Variants in ERC1 observed in about 807,000 individuals in gnomAD.
ERC1 encodes RAB6 interacting protein 2.
ERC1 carries 56 observed loss-of-function variants against 132.0 expected under a neutral mutation model. That is an observed-to-expected ratio of 0.42 (90% CI 0.34 to 0.53). The LOEUF is 0.53. Among genes scored for constraint, ERC1 ranks in the 20% least tolerant of loss-of-function variants. The pLI, the probability that ERC1 is intolerant of heterozygous loss-of-function variation, is 0.03. For missense variants in ERC1, 1,202 were observed against 1,349.9 expected, an observed-to-expected ratio of 0.89 and a Z score of 1.72; for synonymous variants, 478 against 476.1, an observed-to-expected ratio of 1.00 and a Z score of -0.05.
At chr12:1,304,914 C>G (rs907899607) in intron 15 of ERC1, among the ~76,000 whole-genome samples, 2 of 150,458 alleles carry the variant, frequency 1.3e-5, no homozygotes, top group Non-Finnish European at 3.0e-5. Flanking sequence ...CTCAGCCTCC[C>G]GAGTAGCTGG....
intron 2 of ERC1, among the ~76,000 whole-genome samples, chr12:1,065,962 G>T (rs186518780): frequency 6.6e-6 from 1 of 152,284 alleles, no homozygotes; most frequent in East Asian, 1.9e-4. Flanking sequence ...ATATTTTGTA[G>T]ATAAATCTAC....
chr12:1,453,003 C>G (rs906888375), intron 18 of ERC1, among the ~76,000 whole-genome samples: 1 of 152,154 alleles, frequency 6.6e-6, no homozygotes, highest in Non-Finnish European at 1.5e-5. Context: ...ATGCTTCTCT[C>G]TCAGCTTTCA....
In ERC1 at chr12:1,391,940, C is replaced by T. The variant is rs552754159; in HGVS notation, c.2926-16209C>T. The stretch of plus-strand genomic sequence containing the variant: ...GCAGGTCACAGCACTCCTGACTGGT[C>T]TGCCTTCTCTCTGCCTTTTTAGTGT... On this transcript the variant is annotated intron_variant, in intron 16 of 18. Coordinates refer to ENST00000360905, the MANE Select transcript of ERC1 (RefSeq NM_178040.4). Among the ~76,000 whole-genome samples, 21 of 152,292 alleles carry T rather than the reference C, an allele frequency of 1.4e-4. No homozygotes were observed. The South Asian group carries it at 1.9e-3, about 14-fold the overall frequency.
intron 17 of ERC1, among the ~76,000 whole-genome samples, chr12:1,440,262 T>A (rs1391785616): frequency 6.9e-5 from 10 of 143,998 alleles, no homozygotes; most frequent in Non-Finnish European, 1.5e-4. Context: ...TGGAGTGCAG[T>A]GGTGCCATCT....
chr12:1,458,885 A>G (rs1369264314), intron 18 of ERC1, among the ~76,000 whole-genome samples: 1 of 152,230 alleles, frequency 6.6e-6, no homozygotes, highest in African/African-American at 2.4e-5. Flanking sequence ...TACTACTCAA[A>G]TGTTGGTCTA....
chr12:1,042,248 A>G (rs1327486646), intron 2 of ERC1, among the ~76,000 whole-genome samples: 3 of 151,164 alleles, frequency 2.0e-5, no homozygotes, highest in Non-Finnish European at 2.9e-5. Flanking sequence ...CGTGTTAGCT[A>G]GGATGGTCTT....
At chr12:1,042,628 G>A (rs1336310554) in intron 2 of ERC1, among the ~76,000 whole-genome samples, 6 of 151,998 alleles carry the variant, frequency 3.9e-5, no homozygotes, top group East Asian at 3.9e-4. Context: ...GTGAGCCACC[G>A]CACTCGGCCT....
chr12:1,444,745 G>A lies in ERC1; in HGVS notation c.3208G>A (p.Gly1070Arg). The A allele has an allele frequency of 6.2e-7, 1 of 1,613,320 alleles. No individual in the cohort carries two copies. Among genetic ancestry groups the A allele is most frequent in the South Asian group, 1.1e-5 (1 of 90,902 alleles). ...GAATGAGCTGCAGAAGATGACCCGG[G>A]GGCAGGTGAGCCTCTCACTCAAACT... is the stretch of plus-strand genomic sequence containing the variant. ...WENELQKMTR[G>R]QLQDELEKGE... Residue 1070 changes from glycine (G) to arginine (R), a missense_variant, in exon 18 of 19, where the codon GGG (glycine) becomes AGG (arginine). Physicochemically the swap from Gly to Arg is moderately radical, Grantham distance 125 (BLOSUM62 -2). Coordinates refer to ENST00000360905, the MANE Select transcript of ERC1 (RefSeq NM_178040.4).
chr12:1,381,435 G>C (rs962527240), intron 16 of ERC1, among the ~76,000 whole-genome samples: 5 of 152,036 alleles, frequency 3.3e-5, no homozygotes, highest in African/African-American at 1.2e-4. Flanking sequence ...CTGGCCTCAA[G>C]CCATCCTCCC....
chr12:1,062,888 G>A (rs1938310234), intron 2 of ERC1, among the ~76,000 whole-genome samples: 1 of 152,192 alleles, frequency 6.6e-6, no homozygotes, highest in African/African-American at 2.4e-5. Flanking sequence ...GTGCTTTGGT[G>A]TTAGGTGCAT....
intron 2 of ERC1, among the ~76,000 whole-genome samples, chr12:1,037,810 C>T (rs1293353514): frequency 2.0e-5 from 3 of 151,886 alleles, no homozygotes; most frequent in Non-Finnish European, 2.9e-5. Context: ...TTTGGGAGGC[C>T]GAGGCGGGCA....
chr12:1,068,368 T>A (rs569604090), intron 2 of ERC1, among the ~76,000 whole-genome samples: 129 of 152,320 alleles, frequency 8.5e-4, no homozygotes, highest in African/African-American at 3.0e-3. Context: ...AAGATCCGTA[T>A]GAAATTATCT....
At chr12:1,140,211 C>T (rs1202296274) in intron 7 of ERC1, among the ~76,000 whole-genome samples, 7 of 152,072 alleles carry the variant, frequency 4.6e-5, no homozygotes, top group Admixed American at 4.6e-4. Context: ...GTAGCAAGTA[C>T]TTATTATAGC....
intron 14 of ERC1, among the ~76,000 whole-genome samples, chr12:1,266,564 C>A (rs537329640): frequency 6.6e-6 from 1 of 151,668 alleles, no homozygotes; most frequent in East Asian, 1.9e-4. Flanking sequence ...GCCACCACGC[C>A]CAGCTAATTT....
intron 7 of ERC1, among the ~76,000 whole-genome samples, chr12:1,128,880 A>T (rs1280021183): frequency 6.6e-6 from 1 of 152,190 alleles, no homozygotes; most frequent in Non-Finnish European, 1.5e-5. Context: ...GATTATAGAG[A>T]GCTGCAGGAA....
Position 1,053,281 on chromosome 12 carries a change from A to G in ERC1, c.669+24709A>G, listed in dbSNP as rs184792430. On this transcript the variant is annotated intron_variant, in intron 2 of 18. Transcript: ENST00000360905. ...ATTGAGTTTACATTCAGGACTGTCA[A>G]CTTGACTATGGAACAATTCAAGTAG... 2.8e-3 allele frequency among the ~76,000 whole-genome samples: 426 copies of G among 152,342 alleles called. 1 individual carries two copies. The highest frequency in any genetic ancestry group is 6.8e-3 in the Middle Eastern group (2 of 294).
At chr12:1,094,069 G>C (rs1217022245) in intron 3 of ERC1, among the ~76,000 whole-genome samples, 1 of 145,172 alleles carries the variant, frequency 6.9e-6, no homozygotes, top group Non-Finnish European at 1.5e-5. Flanking sequence ...CCCAGGCTGG[G>C]GTGCAGTGGT....
At chr12:1,483,883 G>A (rs1363200088) in intron 18 of ERC1, among the ~76,000 whole-genome samples, 2 of 151,460 alleles carry the variant, frequency 1.3e-5, no homozygotes, top group Non-Finnish European at 2.9e-5. Context: ...TAGTAGAGAC[G>A]GGGTTTCACC....
intron 12 of ERC1, among the ~76,000 whole-genome samples, chr12:1,215,375 C>A (rs1480650956): frequency 6.6e-6 from 1 of 152,096 alleles, no homozygotes; most frequent in African/African-American, 2.4e-5. Flanking sequence ...AACAAAACAA[C>A]TTGGACAATA....
Sources: allele counts gnomAD v4.1 joint callset (sites outside exome capture counted in the v4.1 genomes callset), GRCh38; gene constraint gnomAD v4.1.1; transcripts MANE v1.5; gene names NCBI Gene and HGNC (gene_info 2026-07-23, HGNC 2026-07-21).